ANKFN1: variants seen among roughly 807,000 people sequenced by gnomAD.
ANKFN1 encodes ankyrin repeat and fibronectin type-III domain-containing protein 1.
In ANKFN1, 74 loss-of-function variants were observed where a neutral mutation model predicts 108.7. That is an observed-to-expected ratio of 0.68 (90% confidence interval 0.56 to 0.83). The LOEUF (loss-of-function observed/expected upper bound fraction) is 0.83. ANKFN1 is among the 40% of genes least tolerant of loss of function. The pLI, the probability that ANKFN1 is intolerant of heterozygous loss-of-function variation, is 0.00. For synonymous variants in ANKFN1, 547 were observed against 516.2 expected (o/e 1.06, Z -0.81); for missense variants, 1,505 against 1,382.3 (o/e 1.09, Z -1.41).
intron 8 of ANKFN1, among the ~76,000 whole-genome samples, chr17:56,383,854 A>C (rs1055231296): frequency 2.0e-4 from 30 of 152,342 alleles, no homozygotes; most frequent in African/African-American, 7.0e-4. Context: ...TACCAACCAA[A>C]GAGTCCAGGA....
At chr17:56,047,564 C>T (rs1286619841) in intron 4 of ANKFN1, among the ~76,000 whole-genome samples, 1 of 152,022 alleles carries the variant, frequency 6.6e-6, no homozygotes, top group African/African-American at 2.4e-5. Context: ...TGCTATGGGA[C>T]ATAAAATGAA....
At chr17:56,097,643 C>G (rs939639309) in intron 4 of ANKFN1, among the ~76,000 whole-genome samples, 4 of 152,222 alleles carry the variant, frequency 2.6e-5, no homozygotes, top group Non-Finnish European at 5.9e-5. Context: ...ACAGTCAGTT[C>G]ATATCACTCT....
chr17:56,078,922 A>G (rs572398559), intron 4 of ANKFN1, among the ~76,000 whole-genome samples: 48 of 152,266 alleles, frequency 3.2e-4, no homozygotes, highest in African/African-American at 1.1e-3. Context: ...CACATAGCAA[A>G]CAGCTCTCAC....
At chr17:56,200,209 GA>G (rs1367994166) in intron 1 of ANKFN1, among the ~76,000 whole-genome samples, 1 of 152,202 alleles carries the variant, frequency 6.6e-6, no homozygotes, top group Non-Finnish European at 1.5e-5. Flanking sequence ...AAGAAAAAGA[GA>G]AAAGTACAGC....
At chr17:56,505,420 G>T (rs1267961524) in intron 20 of ANKFN1, among the ~76,000 whole-genome samples, 1 of 152,202 alleles carries the variant, frequency 6.6e-6, no homozygotes, top group Non-Finnish European at 1.5e-5. Flanking sequence ...ACACAGTGTA[G>T]TTGGGAGGTC....
rs1316126510 is a variant in ANKFN1, at chr17:56,467,785, A to AAG, written c.1773+1216_1773+1217dup. 1.9e-4 allele frequency among the ~76,000 whole-genome samples: 19 copies of AAG among 99,126 alleles called. 1 individual carries two copies. Among genetic ancestry groups the AAG allele is most frequent in the African/African-American group, 1.4e-3 (19 of 13,526 alleles). 65.0% of individuals were successfully genotyped at this position (99,126 alleles called of 152,430 possible). A position where few individuals can be genotyped will look rare whatever the true frequency, so the allele number is the denominator to read the frequency against. Reference sequence around the variant, plus strand: ...AAAGAAAGAAAGAAAGAAAGAAAGAAAGAAAGAAGAAAGAAAGAAAGAAAG... The same window carrying AAG: ...AAAGAAAGAAAGAAAGAAAGAAAGAAAGAGAAAGAAGAAAGAAAGAAAGAAAG... On this transcript the variant is annotated intron_variant, in intron 15 of 20. Transcript: ENST00000682825.
chr17:56,374,465 C>A (rs139199232), intron 7 of ANKFN1, 136 bp from the exon 8 acceptor site: 5 of 667,930 alleles, frequency 7.5e-6, no homozygotes, highest in Non-Finnish European at 1.3e-5. Context: ...TGAAAATGTT[C>A]AAAAGCGAAA....
At chr17:56,223,050 G>GA (rs1234353238) in intron 2 of ANKFN1, among the ~76,000 whole-genome samples, 1 of 152,152 alleles carries the variant, frequency 6.6e-6, no homozygotes, top group Non-Finnish European at 1.5e-5. Flanking sequence ...TCTATATACT[G>GA]ACTTGGAATC....
intron 4 of ANKFN1, among the ~76,000 whole-genome samples, chr17:56,122,136 G>A (rs1022138858): frequency 4.6e-5 from 7 of 152,154 alleles, no homozygotes; most frequent in African/African-American, 1.7e-4. Context: ...GTGGCTTTCC[G>A]AGACTTGGAC....
chr17:56,220,985 A>T lies in ANKFN1; in HGVS notation c.13-6932A>T, dbSNP rs560136031. Among the ~76,000 whole-genome samples, 10 of 152,238 alleles carry T rather than the reference A, an allele frequency of 6.6e-5. No homozygotes were observed. In the East Asian group the frequency reaches 1.7e-3, roughly 27 times the overall value. The stretch of plus-strand genomic sequence containing the variant: ...GTAATTTATAAAGAAAAGAGGTTTA[A>T]TTGGCTCATGGTTCTGCAGGCTGCA... On this transcript the variant is annotated intron_variant, in intron 2 of 20. Coordinates refer to ENST00000682825, the MANE Select transcript of ANKFN1 (RefSeq NM_001370326.1).
rs77465146 is a variant in ANKFN1, at chr17:56,516,668, T to C, written c.*5399T>C. Among the ~76,000 whole-genome samples the C allele has an allele frequency of 7.8e-3, 1,183 of 152,284 alleles. 16 individuals are homozygous for C. The highest frequency in any genetic ancestry group is 0.027 in the African/African-American group (1,141 of 41,552). On this transcript the variant is annotated 3_prime_UTR_variant, in exon 21 of 21. Coordinates refer to ENST00000682825, the MANE Select transcript of ANKFN1 (RefSeq NM_001370326.1). The stretch of plus-strand genomic sequence containing the variant: ...TCAATCAAAAACAGCACTGGTAAAA[T>C]GTATGCCTCTTCAACCTACCAATTT...
intron 8 of ANKFN1, among the ~76,000 whole-genome samples, chr17:56,386,318 T>C (rs1433721195): frequency 6.6e-6 from 1 of 151,606 alleles, no homozygotes; most frequent in African/African-American, 2.4e-5. Flanking sequence ...CTGGGGACTG[T>C]TGTGGGGTGG....
intron 6 of ANKFN1, among the ~76,000 whole-genome samples, chr17:56,370,959 C>G (rs1460259487): frequency 7.6e-6 from 1 of 131,308 alleles, no homozygotes; most frequent in Admixed American, 8.0e-5. Flanking sequence ...TTTTTTTTTT[C>G]TCCAGAACCT....
rs147434801 is a variant in ANKFN1 at position 56,047,074 on chromosome 17, C to A, written c.288+749C>A. 4.3e-4 allele frequency among the ~76,000 whole-genome samples: 66 copies of A among 152,146 alleles called. 1 individual carries two copies. The Middle Eastern group carries it at 0.024, about 55-fold the overall frequency. On this transcript the variant is annotated intron_variant, in intron 4 of 12. Transcript: ENST00000635860. ...AAGGAGACAGGTAAGAATGATTTTGCTGTAAAGCACTTTTGCAGTGAGCAT... is the reference window on the plus strand; with the variant it reads ...AAGGAGACAGGTAAGAATGATTTTGATGTAAAGCACTTTTGCAGTGAGCAT...
intron 2 of ANKFN1, among the ~76,000 whole-genome samples, chr17:56,225,472 T>A (rs1916200288): frequency 6.6e-6 from 1 of 152,178 alleles, no homozygotes; most frequent in South Asian, 2.1e-4. Flanking sequence ...CTGTTGTAAC[T>A]TTGTGTTATA....
chr17:56,275,954 C>T (rs568616696), intron 3 of ANKFN1, among the ~76,000 whole-genome samples: 3 of 152,094 alleles, frequency 2.0e-5, no homozygotes, highest in East Asian at 3.9e-4. Context: ...GTTGGCTTGC[C>T]GCACCCTGTA....
intron 3 of ANKFN1, among the ~76,000 whole-genome samples, chr17:56,320,805 G>A (rs1326413165): frequency 6.6e-6 from 1 of 152,082 alleles, no homozygotes; most frequent in Non-Finnish European, 1.5e-5. Flanking sequence ...CAAAAATGTG[G>A]CACTGGAAAA....
chr17:56,467,284 G>A (rs1352311240), intron 15 of ANKFN1, among the ~76,000 whole-genome samples: 1 of 152,034 alleles, frequency 6.6e-6, no homozygotes, highest in Non-Finnish European at 1.5e-5. Context: ...GTGTGTACAT[G>A]GGTGTGTATG....
intron 4 of ANKFN1, among the ~76,000 whole-genome samples, chr17:56,052,778 G>T (rs1276945323): frequency 6.6e-6 from 1 of 152,056 alleles, no homozygotes; most frequent in Non-Finnish European, 1.5e-5. Flanking sequence ...CCTCTTACAG[G>T]TTTAAAAATT....
Sources: gnomAD v4.1 joint callset for allele counts (sites outside exome capture counted in the v4.1 genomes callset) on GRCh38, gnomAD v4.1.1 for gene constraint, MANE v1.5 for transcripts, NCBI Gene and HGNC (gene_info 2026-07-23, HGNC 2026-07-21) for gene names.